Variants in OR4S2 observed in about 807,000 individuals in gnomAD.
OR4S2 encodes olfactory receptor family 4 subfamily S member 2.
A neutral mutation model predicts 15.1 loss-of-function variants in OR4S2; 16 were observed. The observed-to-expected ratio is 1.06, with a 90% CI of 0.72 to 1.61. The LOEUF (loss-of-function observed/expected upper bound fraction) is 1.61, where lower values mean the gene tolerates loss of function less well. Among genes scored for constraint, OR4S2 ranks in the 40% most tolerant of loss-of-function variants. The probability of loss-of-function intolerance (pLI) is 0.00; values close to 1 mark genes in which losing one functional copy is unlikely to be tolerated. For missense variants in OR4S2, 362 were observed against 379.6 expected, an observed-to-expected ratio of 0.95 and a Z score of 0.38; for synonymous variants, 133 against 136.3, an observed-to-expected ratio of 0.98 and a Z score of 0.17.
At chr11:55,650,273 C>A (rs1369597991) in intron 1 of OR4S2, among the ~76,000 whole-genome samples, 1 of 138,352 alleles carries the variant, frequency 7.2e-6, no homozygotes. Context: ...TATCAGGGCT[C>A]GAGACCACAC....
At position 55,652,535 on chromosome 11, in the gene OR4S2, C is replaced by T. The variant is rs1858582494; in HGVS notation, c.*696C>T. 7.2e-6 allele frequency: 1 copy of T among 139,054 alleles called. No homozygotes were observed. Among genetic ancestry groups the T allele is most frequent in the South Asian group, 2.3e-4 (1 of 4,276 alleles). The allele number at this position is 139,054 out of a possible 1,614,324, so 8.6% of individuals were successfully genotyped here. On this transcript the variant is annotated 3_prime_UTR_variant, in exon 2 of 2. Transcript: ENST00000641692. ...AGCTCAGTCTTTCAAAAGAATAAAC[C>T]TCCAATCTTTTGTGAAGTAATATAG... is the stretch of plus-strand genomic sequence containing the variant.
At position 55,651,309 on chromosome 11, in the gene OR4S2, C is replaced by G; in HGVS notation, c.406C>G (p.Arg136Gly). 6.7e-7 allele frequency: 1 copy of G among 1,488,040 alleles called. No homozygotes were observed. Among genetic ancestry groups the G allele is most frequent in the Non-Finnish European group, 9.1e-7 (1 of 1,093,244 alleles). The allele number at this position is 1,488,040 out of a possible 1,614,324, so 92.2% of individuals were successfully genotyped here. ...CCTACATTATATGACCATCATGAAC[C>G]GGGAGACATGCAATAAAATGTTATT... ...KPLHYMTIMN[R>G]ETCNKMLLGT... is the part of the protein sequence containing the mutation. Residue 136 changes from arginine (R) to glycine (G), a missense_variant, in exon 2 of 2, where the codon CGG becomes GGG. Coordinates refer to ENST00000641692, the MANE Select transcript of OR4S2 (RefSeq NM_001004059.3).
At position 55,652,810 on chromosome 11, in the gene OR4S2, T is replaced by C; in HGVS notation, c.*971T>C. On this transcript the variant is annotated 3_prime_UTR_variant, in exon 2 of 2. Transcript: ENST00000641692. Reference sequence around the variant, plus strand: ...CTATTTCTCAAAAAATGTGTGAAAATCTTTCACCAGCTGGTATTTCCTGTT... The same window carrying C: ...CTATTTCTCAAAAAATGTGTGAAAACCTTTCACCAGCTGGTATTTCCTGTT... The C allele has an allele frequency of 1.4e-5, 2 of 139,132 alleles. 1 individual carries two copies. Among genetic ancestry groups the C allele is most frequent in the Non-Finnish European group, 3.2e-5 (2 of 62,486 alleles). 8.6% of individuals were successfully genotyped at this position (139,132 alleles called of 1,614,324 possible).
intron 1 of OR4S2, among the ~76,000 whole-genome samples, chr11:55,650,417 T>G (rs1319632027): frequency 7.2e-6 from 1 of 138,738 alleles, no homozygotes; most frequent in African/African-American, 2.5e-5. Context: ...ATGGCAGTAT[T>G]CAAAAGGTGA....
rs1460983464 is a variant in OR4S2, at chr11:55,651,446, T to C, written c.543T>C (p.Pro181=). The C allele has an allele frequency of 6.7e-7, 1 of 1,490,942 alleles. No individual in the cohort carries two copies. Among genetic ancestry groups the C allele is most frequent in the East Asian group, 2.6e-5 (1 of 38,756 alleles). 92.4% of individuals were successfully genotyped at this position (1,490,942 alleles called of 1,614,324 possible). A position where few individuals can be genotyped will look rare whatever the true frequency, so the allele number is the denominator to read the frequency against. Residue 181 remains proline (P), a synonymous_variant, in exon 2 of 2, where the codon CCT becomes CCC. Coordinates refer to ENST00000641692, the MANE Select transcript of OR4S2 (RefSeq NM_001004059.3). ...ATCACTACTTTTGTGATGTTCACCC[T>C]GTGTTGAAACTTGCCTGCACAGAAA... ...EIDHYFCDVH[P]VLKLACTETY...
Position 55,651,808 on chromosome 11 carries a change from G to T in OR4S2, c.905G>T (p.Arg302Ile). The change falls in exon 2 of 2, where the codon AGA (arginine) becomes ATA (isoleucine). Residue 302 changes from arginine to isoleucine, a missense_variant. Arg to Ile is a moderately conservative substitution (Grantham distance 97). Transcript: ENST00000641692. ...AATGCAATGAAGAAACTGTGGGGCA[G>T]AAATGTTTTCTTGGAGGCTAAAGGG... ...VKNAMKKLWG[R>I]NVFLEAKGK 1 of 1,443,472 alleles carries T rather than the reference G, an allele frequency of 6.9e-7. No homozygotes were observed. Among genetic ancestry groups the T allele is most frequent in the Non-Finnish European group, 9.5e-7 (1 of 1,057,420 alleles). The allele number at this position is 1,443,472 out of a possible 1,614,324, so 89.4% of individuals were successfully genotyped here. A position where few individuals can be genotyped will look rare whatever the true frequency, so the allele number is the denominator to read the frequency against.
chr11:55,651,331 T>C lies in OR4S2; in HGVS notation c.428T>C (p.Leu143Ser). The C allele has an allele frequency of 6.7e-7, 1 of 1,487,202 alleles. No homozygotes were observed. Among genetic ancestry groups the C allele is most frequent in the Non-Finnish European group, 9.2e-7 (1 of 1,092,350 alleles). The allele number at this position is 1,487,202 out of a possible 1,614,324, so 92.1% of individuals were successfully genotyped here. ...IMNRETCNKMLLGTWVGGFLH... is the reference protein window; with the variant it reads ...IMNRETCNKMSLGTWVGGFLH... Reference sequence around the variant, plus strand: ...AACCGGGAGACATGCAATAAAATGTTATTAGGGACGTGGGTAGGTGGGTTC... The same window carrying C: ...AACCGGGAGACATGCAATAAAATGTCATTAGGGACGTGGGTAGGTGGGTTC... Residue 143 changes from leucine to serine, a missense_variant, in exon 2 of 2, where the codon TTA (leucine) becomes TCA (serine). Coordinates refer to ENST00000641692, the MANE Select transcript of OR4S2 (RefSeq NM_001004059.3).
Position 55,651,234 on chromosome 11 carries a change from T to C in OR4S2, c.331T>C (p.Phe111Leu), listed in dbSNP as rs1375744038. ...ACATTTCTTTGGTTGCACTGAGATCTTCATCCTTACTGTAATGGCCTATGA... is the reference window on the plus strand; with the variant it reads ...ACATTTCTTTGGTTGCACTGAGATCCTCATCCTTACTGTAATGGCCTATGA... The part of the protein sequence containing the change: ...GVHFFGCTEI[F>L]ILTVMAYDRY... Residue 111 changes from phenylalanine to leucine, a missense_variant, in exon 2 of 2, where the codon TTC (phenylalanine) becomes CTC (leucine). Phe to Leu is a conservative substitution (Grantham distance 22, BLOSUM62 0). Transcript: ENST00000641692. The C allele has an allele frequency of 6.8e-7, 1 of 1,473,884 alleles. No homozygotes were observed. The highest frequency in any genetic ancestry group is 9.3e-7 in the Non-Finnish European group (1 of 1,079,960). 91.3% of individuals were successfully genotyped at this position (1,473,884 alleles called of 1,614,324 possible). A position where few individuals can be genotyped will look rare whatever the true frequency, so the allele number is the denominator to read the frequency against.
In OR4S2 at chr11:55,651,578, G is replaced by A; in HGVS notation, c.675G>A (p.Lys225=). The A allele has an allele frequency of 1.3e-6, 2 of 1,491,878 alleles. No individual in the cohort carries two copies. The highest frequency in any genetic ancestry group is 1.8e-6 in the Non-Finnish European group (2 of 1,096,594). The allele number at this position is 1,491,878 out of a possible 1,614,324, so 92.4% of individuals were successfully genotyped here. The change falls in exon 2 of 2, where the codon AAG becomes AAA. Residue 225 remains lysine (K), a synonymous_variant. Transcript: ENST00000641692. ...GCATCATCCTAGTTTCCCTGAGAAA[G>A]CAGTCAGCAGAAGGCAGGCGCAAAG... ...SYSIILVSLR[K]QSAEGRRKAL...
rs188197652 is a variant in OR4S2 at position 55,651,675 on chromosome 11, C to T, written c.772C>T (p.Arg258Cys). Residue 258 changes from arginine (R) to cysteine (C), a missense_variant, in exon 2 of 2, where the codon CGC (arginine) becomes TGC (cysteine). Arg to Cys is a radical substitution (Grantham distance 180). Transcript: ENST00000641692. ...FFGPCTFMYM[R>C]PDTTFSEDKM... ...CGGCCCCTGTACTTTTATGTACATG[C>T]GCCCTGATACGACCTTTTCAGAGGA... is the stretch of plus-strand genomic sequence containing the variant. The T allele has an allele frequency of 8.9e-5, 133 of 1,490,454 alleles. 33 individuals are homozygous for T. The Admixed American group carries it at 1.7e-3, about 19-fold the overall frequency. The allele number at this position is 1,490,454 out of a possible 1,614,324, so 92.3% of individuals were successfully genotyped here. A position where few individuals can be genotyped will look rare whatever the true frequency, so the allele number is the denominator to read the frequency against.
rs1298641837 is a variant in OR4S2, at chr11:55,649,377, C to T, written c.-37+827C>T. Among the ~76,000 whole-genome samples, 10 of 137,984 alleles carry T rather than the reference C, an allele frequency of 7.2e-5. 2 individuals carry two copies. The highest frequency in any genetic ancestry group is 1.6e-4 in the Non-Finnish European group (10 of 62,060). The allele number at this position is 137,984 out of a possible 152,430, so 90.5% of individuals were successfully genotyped here. A position where few individuals can be genotyped will look rare whatever the true frequency, so the allele number is the denominator to read the frequency against. On this transcript the variant is annotated intron_variant, in intron 1 of 1. Coordinates refer to ENST00000641692, the MANE Select transcript of OR4S2 (RefSeq NM_001004059.3). Reference sequence around the variant, plus strand: ...CATGAATACCTGAAGAAACACAATCCTATAGATTCCCAAAAGCTGGAAGTA... The same window carrying T: ...CATGAATACCTGAAGAAACACAATCTTATAGATTCCCAAAAGCTGGAAGTA...
chr11:55,651,317 A>G lies in OR4S2; in HGVS notation c.414A>G (p.Thr138=). ...LHYMTIMNRE[T]CNKMLLGTWV... ...ATATGACCATCATGAACCGGGAGAC[A>G]TGCAATAAAATGTTATTAGGGACGT... Residue 138 remains threonine (T), a synonymous_variant, in exon 2 of 2, where the codon ACA becomes ACG. Coordinates refer to ENST00000641692, the MANE Select transcript of OR4S2 (RefSeq NM_001004059.3). The G allele has an allele frequency of 6.7e-7, 1 of 1,488,308 alleles. No individual in the cohort carries two copies. The allele number at this position is 1,488,308 out of a possible 1,614,324, so 92.2% of individuals were successfully genotyped here.
In OR4S2 at chr11:55,648,532, C is replaced by G. The variant is rs1313701775; in HGVS notation, c.-55C>G. On this transcript the variant is annotated 5_prime_UTR_variant, in exon 1 of 2. Transcript: ENST00000641692. ...AAGAGATAGAAACATAAAGTGAACT[C>G]AAGCTCTGGAAAATACTGGTGAGAT... is the stretch of plus-strand genomic sequence containing the variant. The G allele has an allele frequency of 4.5e-5, 6 of 132,392 alleles. 1 individual carries two copies. Among genetic ancestry groups the G allele is most frequent in the Non-Finnish European group, 1.0e-4 (6 of 60,278 alleles). The allele number at this position is 132,392 out of a possible 1,614,324, so 8.2% of individuals were successfully genotyped here.
At chr11:55,648,946 G>A (rs1479013593) in intron 1 of OR4S2, among the ~76,000 whole-genome samples, 1 of 137,162 alleles carries the variant, frequency 7.3e-6, no homozygotes, top group African/African-American at 2.5e-5. Flanking sequence ...TCTGATAAAT[G>A]GAACTTTAGA....
At position 55,651,319 on chromosome 11, in the gene OR4S2, G is replaced by C. The variant is rs1398408975; in HGVS notation, c.416G>C (p.Cys139Ser). 8 of 1,488,650 alleles carry C rather than the reference G, an allele frequency of 5.4e-6. 2 individuals carry two copies. In the East Asian group the frequency reaches 1.5e-4, roughly 29 times the overall value. 92.2% of individuals were successfully genotyped at this position (1,488,650 alleles called of 1,614,324 possible). Reference sequence around the variant, plus strand: ...ATGACCATCATGAACCGGGAGACATGCAATAAAATGTTATTAGGGACGTGG... The same window carrying C: ...ATGACCATCATGAACCGGGAGACATCCAATAAAATGTTATTAGGGACGTGG... ...HYMTIMNRET[C>S]NKMLLGTWVG... Residue 139 changes from cysteine (C) to serine (S), a missense_variant, in exon 2 of 2, where the codon TGC (cysteine) becomes TCC (serine). Coordinates refer to ENST00000641692, the MANE Select transcript of OR4S2 (RefSeq NM_001004059.3).
rs547424867 is a variant in OR4S2 at position 55,650,225 on chromosome 11, T to A, written c.-36-643T>A. On this transcript the variant is annotated intron_variant, in intron 1 of 1. Coordinates refer to ENST00000641692, the MANE Select transcript of OR4S2 (RefSeq NM_001004059.3). ...CATTTTAGAATCAATTTTGTGTAATTTTGCTCCTCTTTCTATTACCTCACA... is the reference window on the plus strand; with the variant it reads ...CATTTTAGAATCAATTTTGTGTAATATTGCTCCTCTTTCTATTACCTCACA... 1.7e-4 allele frequency among the ~76,000 whole-genome samples: 24 copies of A among 138,882 alleles called. 4 individuals are homozygous for A. In the South Asian group the frequency reaches 3.0e-3, roughly 18 times the overall value. The allele number at this position is 138,882 out of a possible 152,430, so 91.1% of individuals were successfully genotyped here.
rs568702202 is a variant in OR4S2, at chr11:55,652,087, A to G, written c.*248A>G. 8 of 238,644 alleles carry G rather than the reference A, an allele frequency of 3.4e-5. 1 individual carries two copies. Among genetic ancestry groups the G allele is most frequent in the African/African-American group, 1.6e-4 (7 of 44,320 alleles). 14.8% of individuals were successfully genotyped at this position (238,644 alleles called of 1,614,324 possible). On this transcript the variant is annotated 3_prime_UTR_variant, in exon 2 of 2. Coordinates refer to ENST00000641692, the MANE Select transcript of OR4S2 (RefSeq NM_001004059.3). ...ACTTAGAATCACAAAAGTGCAGAAG[A>G]GCAATTCCTCTTGGCTTTCCTTTGA...
Position 55,651,506 on chromosome 11 carries a change from T to C in OR4S2, c.603T>C (p.Ser201=), listed in dbSNP as rs1858568053. ...YIVGVVVTAN[S]GTIALGSFVI... is the part of the protein sequence containing the mutation. ...TTGGTGTTGTTGTGACAGCCAACAG[T>C]GGTACCATTGCTCTGGGGAGTTTTG... Residue 201 remains serine, a synonymous_variant, in exon 2 of 2, where the codon AGT becomes AGC. Transcript: ENST00000641692. 1 of 1,486,388 alleles carries C rather than the reference T, an allele frequency of 6.7e-7. No homozygotes were observed. Among genetic ancestry groups the C allele is most frequent in the African/African-American group, 1.4e-5 (1 of 72,746 alleles). The allele number at this position is 1,486,388 out of a possible 1,614,324, so 92.1% of individuals were successfully genotyped here.
Position 55,651,336 on chromosome 11 carries a change from G to A in OR4S2, c.433G>A (p.Gly145Arg). The change falls in exon 2 of 2, where the codon GGG becomes AGG. Residue 145 changes from glycine (G) to arginine (R), a missense_variant. Physicochemically the swap from Gly to Arg is moderately radical, Grantham distance 125 (BLOSUM62 -2). Coordinates refer to ENST00000641692, the MANE Select transcript of OR4S2 (RefSeq NM_001004059.3). Reference sequence around the variant, plus strand: ...GGAGACATGCAATAAAATGTTATTAGGGACGTGGGTAGGTGGGTTCTTACA... The same window carrying A: ...GGAGACATGCAATAAAATGTTATTAAGGACGTGGGTAGGTGGGTTCTTACA... ...NRETCNKMLL[G>R]TWVGGFLHSI... 2.7e-6 allele frequency: 4 copies of A among 1,485,854 alleles called. 1 individual carries two copies. The highest frequency in any genetic ancestry group is 3.7e-6 in the Non-Finnish European group (4 of 1,091,308). 92.0% of individuals were successfully genotyped at this position (1,485,854 alleles called of 1,614,324 possible).
Sources: allele counts gnomAD v4.1 joint callset (sites outside exome capture counted in the v4.1 genomes callset), GRCh38; gene constraint gnomAD v4.1.1; transcripts MANE v1.5; gene names NCBI Gene and HGNC (gene_info 2026-07-23, HGNC 2026-07-21).